USP7: variants seen among roughly 807,000 people sequenced by gnomAD.
USP7 encodes the protein ubiquitin C-terminal hydrolase 7.
USP7 carries 9 observed loss-of-function variants against 162.9 expected under a neutral mutation model. That is an observed-to-expected ratio of 0.06 (90% CI 0.03 to 0.10). The LOEUF (loss-of-function observed/expected upper bound fraction) is 0.10. Among genes scored for constraint, USP7 ranks in the 10% least tolerant of loss-of-function variants. USP7 has a pLI of 1.00. For missense variants in USP7, 715 were observed against 1,373.7 expected (o/e 0.52, Z 7.58); for synonymous variants, 562 against 475.9 (o/e 1.18, Z -2.35).
intron 2 of USP7, among the ~76,000 whole-genome samples, chr16:8,927,320 G>GA (rs111731536): frequency 0.014 from 1,968 of 138,948 alleles, 33 homozygotes; most frequent in African/African-American, 0.042. Context: ...AAAAGAAAAA[G>GA]AAAAAAAAAA....
chr16:8,958,333 T>C (rs1320522528), intron 1 of USP7, among the ~76,000 whole-genome samples: 1 of 152,198 alleles, frequency 6.6e-6, no homozygotes, highest in African/African-American at 2.4e-5. Context: ...CACAAGTGCA[T>C]GTGTGCTGGG....
chr16:8,904,610 C>G (rs767428232), intron 14 of USP7, 45 bp from the exon 15 acceptor site: 1 of 1,604,392 alleles, frequency 6.2e-7, no homozygotes, highest in Non-Finnish European at 8.5e-7. Context: ...GATGGACTTT[C>G]CCCTCTTAGA....
rs1340111735 is a variant in USP7 at position 8,919,021 on chromosome 16, A to AT, written c.720+9dup. The AT allele has an allele frequency of 3.7e-6, 6 of 1,612,490 alleles. No individual in the cohort carries two copies. Among genetic ancestry groups the AT allele is most frequent in the Non-Finnish European group, 5.1e-6 (6 of 1,179,470 alleles). On this transcript the variant is annotated intron_variant, in intron 6 of 30. Coordinates refer to ENST00000344836, the MANE Select transcript of USP7 (RefSeq NM_003470.3). ...CGGAAGGCTGCAGGAGAGGAACACT[A>AT]TCCATTTACCTTTCGTAGCTGATTC... is the stretch of plus-strand genomic sequence containing the variant.
intron 25 of USP7, among the ~76,000 whole-genome samples, chr16:8,897,872 C>T (rs2061713765): frequency 6.6e-6 from 1 of 150,872 alleles, no homozygotes; most frequent in Non-Finnish European, 1.5e-5. Context: ...GCACTCCAGC[C>T]TGGGTGACAG....
At chr16:8,904,844 C>T (rs892007217) in intron 14 of USP7, among the ~76,000 whole-genome samples, 5 of 151,978 alleles carry the variant, frequency 3.3e-5, no homozygotes, top group South Asian at 2.1e-4. Context: ...TGGTGGCAGA[C>T]GCCTGTAGTC....
intron 21 of USP7, among the ~76,000 whole-genome samples, 162 bp downstream of exon 21, chr16:8,900,368 C>A (rs564983555): frequency 4.0e-4 from 61 of 152,236 alleles, no homozygotes; most frequent in African/African-American, 1.4e-3. Flanking sequence ...ATGTTCACCA[C>A]ACCTAATTTC....
intron 1 of USP7, 151 bp downstream of exon 1, chr16:8,963,056 T>A: frequency 4.0e-6 from 1 of 249,888 alleles, no homozygotes; most frequent in Non-Finnish European, 5.0e-6. Context: ...CTTTGCAGCC[T>A]CGCAGGCCGG....
chr16:8,918,143 A>C (rs541652379), intron 6 of USP7, among the ~76,000 whole-genome samples: 13 of 152,278 alleles, frequency 8.5e-5, no homozygotes, highest in African/African-American at 2.9e-4. Context: ...ATTTGATTAA[A>C]AACTTAAATG....
intron 20 of USP7, 41 bp from the exon 21 acceptor site, chr16:8,900,671 C>G (rs1253446131): frequency 6.8e-7 from 1 of 1,466,522 alleles, no homozygotes; most frequent in Admixed American, 1.8e-5. Flanking sequence ...GCAAGTTTGT[C>G]TAACGTTTAA....
At chr16:8,941,703 C>A (rs185249950) in intron 1 of USP7, among the ~76,000 whole-genome samples, 18 of 152,126 alleles carry the variant, frequency 1.2e-4, no homozygotes, top group African/African-American at 3.6e-4. Context: ...AGTGAGGGGA[C>A]GGGCAGAGCC....
intron 1 of USP7, 143 bp downstream of exon 1, chr16:8,963,064 C>T: frequency 2.8e-6 from 2 of 707,930 alleles, no homozygotes; most frequent in Middle Eastern, 5.6e-4. Flanking sequence ...CCTCGCAGGC[C>T]GGGGCCGGGA....
chr16:8,933,700 TCA>T (rs1898512936), intron 1 of USP7, among the ~76,000 whole-genome samples: 1 of 151,898 alleles, frequency 6.6e-6, no homozygotes, highest in Non-Finnish European at 1.5e-5. Context: ...TCCACCCCTC[TCA>T]GTCTCCCAAA....
At chr16:8,924,794 G>C (rs989922277) in intron 2 of USP7, among the ~76,000 whole-genome samples, 1 of 152,218 alleles carries the variant, frequency 6.6e-6, no homozygotes, top group African/African-American at 2.4e-5. Flanking sequence ...AAAAGCATGT[G>C]TGACGGTAAG....
intron 1 of USP7, among the ~76,000 whole-genome samples, chr16:8,934,112 G>C (rs1237499260): frequency 6.6e-6 from 1 of 152,084 alleles, no homozygotes; most frequent in African/African-American, 2.4e-5. Context: ...TAACTTCCTT[G>C]GTTCAAACTT....
At chr16:8,925,805 T>G (rs1897954648) in intron 2 of USP7, among the ~76,000 whole-genome samples, 1 of 152,170 alleles carries the variant, frequency 6.6e-6, no homozygotes, top group Non-Finnish European at 1.5e-5. Context: ...ACACTTCGGG[T>G]GTATTAAAAT....
At chr16:8,940,420 G>C (rs368436263) in intron 1 of USP7, among the ~76,000 whole-genome samples, 1 of 152,192 alleles carries the variant, frequency 6.6e-6, no homozygotes, top group African/African-American at 2.4e-5. Context: ...TGAACACAAC[G>C]AGAGGCAGAA....
intron 1 of USP7, among the ~76,000 whole-genome samples, chr16:8,940,796 T>C (rs1033279364): frequency 6.6e-6 from 1 of 152,142 alleles, no homozygotes; most frequent in African/African-American, 2.4e-5. Flanking sequence ...CCTGGAATAT[T>C]AGCCGGACAT....
chr16:8,896,804 T>G (rs2061688114), intron 26 of USP7, among the ~76,000 whole-genome samples, 195 bp downstream of exon 26: 1 of 152,218 alleles, frequency 6.6e-6, no homozygotes, highest in Admixed American at 6.5e-5. Context: ...CCCCTGAGAC[T>G]TGAAAAACTG....
chr16:8,912,419 C>T (rs1412829100), intron 10 of USP7, among the ~76,000 whole-genome samples: 1 of 148,960 alleles, frequency 6.7e-6, no homozygotes, highest in South Asian at 2.1e-4. Context: ...GACTGCACTC[C>T]AGCCGGGGCG....
Sources: allele counts gnomAD v4.1 joint callset (sites outside exome capture counted in the v4.1 genomes callset), GRCh38; gene constraint gnomAD v4.1.1; transcripts MANE v1.5; gene names NCBI Gene and HGNC (gene_info 2026-07-23, HGNC 2026-07-21).